STON2: variants seen among roughly 807,000 people sequenced by gnomAD.
The protein encoded by STON2 is stonin-2.
STON2 carries 29 observed loss-of-function variants against 65.7 expected under a neutral mutation model. The observed-to-expected ratio is 0.44, with a 90% CI of 0.33 to 0.60. STON2 has a LOEUF of 0.60. Ranked by LOEUF, STON2 falls within the 20% of genes least tolerant of loss-of-function variation. The probability of loss-of-function intolerance (pLI) is 0.03; values close to 1 mark genes in which losing one functional copy is unlikely to be tolerated. For synonymous variants in STON2, 404 were observed against 414.2 expected (o/e 0.98, Z 0.30); for missense variants, 1,054 against 1,118.1 (o/e 0.94, Z 0.82).
chr14:81,287,587 C>T (rs763202024), intron 5 of STON2, among the ~76,000 whole-genome samples: 4 of 152,198 alleles, frequency 2.6e-5, no homozygotes, highest in Non-Finnish European at 5.9e-5. Flanking sequence ...TGACCTGACA[C>T]ATCCCAGCTT....
intron 2 of STON2, among the ~76,000 whole-genome samples, chr14:81,417,094 T>A (rs1014965939): frequency 1.3e-5 from 2 of 152,140 alleles, no homozygotes; most frequent in Admixed American, 6.5e-5. Context: ...AACTGCCAAC[T>A]CCCCTCAACT....
intron 4 of STON2, among the ~76,000 whole-genome samples, chr14:81,331,177 A>G (rs1450783371): frequency 6.6e-6 from 1 of 152,194 alleles, no homozygotes; most frequent in Non-Finnish European, 1.5e-5. Context: ...TTTCTAAGAT[A>G]AAAAACCAGC....
chr14:81,306,778 A>G (rs1038619350), intron 5 of STON2: 1 of 152,226 alleles, frequency 6.6e-6, no homozygotes, highest in Non-Finnish European at 1.5e-5. Flanking sequence ...GAGGAAATCC[A>G]GTTAAAACTG....
intron 4 of STON2, among the ~76,000 whole-genome samples, chr14:81,357,348 A>G (rs1898285385): frequency 6.6e-6 from 1 of 152,226 alleles, no homozygotes; most frequent in Non-Finnish European, 1.5e-5. Flanking sequence ...AACCACAATG[A>G]GAAATCATCT....
intron 5 of STON2, among the ~76,000 whole-genome samples, chr14:81,285,026 G>A (rs920835644): frequency 6.6e-6 from 1 of 152,104 alleles, no homozygotes; most frequent in Non-Finnish European, 1.5e-5. Context: ...ATATTACTAC[G>A]CACTGACAAT....
chr14:81,369,671 G>T (rs1462196316), intron 4 of STON2, among the ~76,000 whole-genome samples: 1 of 152,202 alleles, frequency 6.6e-6, no homozygotes, highest in Non-Finnish European at 1.5e-5. Flanking sequence ...AGGAAATGGA[G>T]TCATAAAGAT....
At chr14:81,427,774 C>A (rs547936214) in intron 1 of STON2, among the ~76,000 whole-genome samples, 6 of 152,092 alleles carry the variant, frequency 3.9e-5, no homozygotes, top group Non-Finnish European at 7.4e-5. Context: ...ATACTGTGAA[C>A]TGACCGTGCA....
At chr14:81,312,968 G>C (rs1432253971) in intron 5 of STON2, among the ~76,000 whole-genome samples, 1 of 152,202 alleles carries the variant, frequency 6.6e-6, no homozygotes, top group East Asian at 1.9e-4. Flanking sequence ...GACCCTTACA[G>C]GCAAACTAAT....
chr14:81,325,702 TTAA>T (rs1473370717), intron 4 of STON2, among the ~76,000 whole-genome samples: 1 of 152,204 alleles, frequency 6.6e-6, no homozygotes, highest in Non-Finnish European at 1.5e-5. Context: ...TAAAAAAAAC[TTAA>T]TGATACATTT....
rs1901229900 is a variant in STON2 at position 81,412,884 on chromosome 14, T to C, written c.-199+14218A>G. On this transcript the variant is annotated intron_variant, in intron 2 of 8. Transcript: ENST00000553821. Reference sequence around the variant, plus strand: ...CTTCTTAGAGGCGCCACGGCTTCCATAGCGATGGCAGCTCCAGCCGGGCGA... The same window carrying C: ...CTTCTTAGAGGCGCCACGGCTTCCACAGCGATGGCAGCTCCAGCCGGGCGA... 8 of 562,768 alleles carry C rather than the reference T, an allele frequency of 1.4e-5. 1 individual carries two copies. The highest frequency in any genetic ancestry group is 6.9e-5 in the African/African-American group (3 of 43,756). The allele number at this position is 562,768 out of a possible 1,614,324, so 34.9% of individuals were successfully genotyped here. A position where few individuals can be genotyped will look rare whatever the true frequency, so the allele number is the denominator to read the frequency against.
chr14:81,414,560 A>G (rs1370870417), intron 2 of STON2, among the ~76,000 whole-genome samples: 2 of 152,086 alleles, frequency 1.3e-5, no homozygotes, highest in African/African-American at 4.8e-5. Flanking sequence ...CCCACTCTCT[A>G]TCTGGCCACT....
At chr14:81,287,758 C>T (rs1227164155) in intron 5 of STON2, among the ~76,000 whole-genome samples, 1 of 152,168 alleles carries the variant, frequency 6.6e-6, no homozygotes, top group Non-Finnish European at 1.5e-5. Flanking sequence ...TTTACCATTG[C>T]CCACTTCCCC....
At chr14:81,290,439 T>C (rs1402969382) in intron 5 of STON2, among the ~76,000 whole-genome samples, 1 of 152,228 alleles carries the variant, frequency 6.6e-6, no homozygotes, top group East Asian at 1.9e-4. Flanking sequence ...TGTTATTATA[T>C]GTGCTTGTGT....
intron 1 of STON2, among the ~76,000 whole-genome samples, chr14:81,433,825 G>A (rs3853422): frequency 0.021 from 3,150 of 152,254 alleles, 119 homozygotes; most frequent in East Asian, 0.16. Flanking sequence ...AGCATGAGAG[G>A]GAACTAAATC....
rs1894274847 is a variant in STON2 at position 81,264,302 on chromosome 14, T to C, written c.*4112A>G. The C allele has an allele frequency of 1.0e-6, 1 of 985,328 alleles. No individual in the cohort carries two copies. Among genetic ancestry groups the C allele is most frequent in the South Asian group, 4.7e-5 (1 of 21,294 alleles). 61.0% of individuals were successfully genotyped at this position (985,328 alleles called of 1,614,324 possible). A position where few individuals can be genotyped will look rare whatever the true frequency, so the allele number is the denominator to read the frequency against. The stretch of plus-strand genomic sequence containing the variant: ...AGGCAGGAGTAAAAGGAAAGCAAAA[T>C]TATTTAAGTCCTTCAGGAAATAAAA... On this transcript the variant is annotated 3_prime_UTR_variant, in exon 8 of 8. Coordinates refer to ENST00000614646, the MANE Select transcript of STON2 (RefSeq NM_001394390.1).
At position 81,353,163 on chromosome 14, in the gene STON2, G is replaced by GA. The variant is rs1482996194; in HGVS notation, c.571+17824dup. 7.2e-5 allele frequency among the ~76,000 whole-genome samples: 11 copies of GA among 152,054 alleles called. No homozygotes were observed. In the South Asian group the frequency reaches 1.7e-3, roughly 23 times the overall value. ...GACAGTAAAATTCAAATAAGAACAG[G>GA]AAAAAAATGGAGATTATTGGATAAT... On this transcript the variant is annotated intron_variant, in intron 4 of 7. Coordinates refer to ENST00000614646, the MANE Select transcript of STON2 (RefSeq NM_001394390.1).
intron 5 of STON2, among the ~76,000 whole-genome samples, chr14:81,313,520 C>T (rs1004170969): frequency 2.6e-5 from 4 of 151,304 alleles, no homozygotes; most frequent in African/African-American, 7.3e-5. Flanking sequence ...GCCAGGCAGG[C>T]GTGGTGGCTC....
intron 5 of STON2, among the ~76,000 whole-genome samples, chr14:81,279,897 A>G (rs1233319130): frequency 6.6e-6 from 1 of 152,214 alleles, no homozygotes; most frequent in East Asian, 1.9e-4. Context: ...TACCCTAAGA[A>G]AATAAATCTA....
chr14:81,396,839 A>G (rs1900349458), intron 2 of STON2, among the ~76,000 whole-genome samples: 1 of 152,206 alleles, frequency 6.6e-6, no homozygotes, highest in Admixed American at 6.5e-5. Flanking sequence ...TGAGTGGATC[A>G]CCTGAGGTCA....
Sources: gnomAD v4.1 joint callset for allele counts (sites outside exome capture counted in the v4.1 genomes callset) on GRCh38, gnomAD v4.1.1 for gene constraint, MANE v1.5 for transcripts, NCBI Gene and HGNC (gene_info 2026-07-23, HGNC 2026-07-21) for gene names.